The following NAPEPLD variants were observed in gnomAD, a reference collection of about 807,000 sequenced individuals.
NAPEPLD encodes the protein N-acyl phosphatidylethanolamine phospholipase D.
In NAPEPLD, 23 loss-of-function variants were observed where a neutral mutation model predicts 38.1. The observed-to-expected ratio is 0.60, with a 90% CI of 0.43 to 0.86. The LOEUF (loss-of-function observed/expected upper bound fraction) is 0.86. Among genes scored for constraint, NAPEPLD ranks in the 40% least tolerant of loss-of-function variants. The pLI, the probability that NAPEPLD is intolerant of heterozygous loss-of-function variation, is 0.00. For missense variants in NAPEPLD, 411 were observed against 476.8 expected (o/e 0.86, Z 1.28); for synonymous variants, 147 against 162.0 (o/e 0.91, Z 0.71).
At chr7:103,149,557 C>A, upstream of NAPEPLD, 1 of 1,169,264 alleles carries the variant, frequency 8.6e-7, no homozygotes, top group Non-Finnish European at 1.1e-6. Flanking sequence ...CGGTGGCCTC[C>A]TTCAGGCTGC....
intron 4 of NAPEPLD, among the ~76,000 whole-genome samples, chr7:103,105,802 C>T (rs944844098): frequency 1.3e-5 from 2 of 151,822 alleles, no homozygotes; most frequent in African/African-American, 2.4e-5. Context: ...GCATAGTGGC[C>T]GGCACCTGTA....
intron 4 of NAPEPLD, among the ~76,000 whole-genome samples, chr7:103,105,932 C>CAAAAAAA (rs1194781765): frequency 2.0e-5 from 1 of 49,982 alleles, no homozygotes; most frequent in African/African-American, 7.7e-5. Flanking sequence ...GACTCCGTCT[C>CAAAAAAA]AAAAAAAAAA....
intron 4 of NAPEPLD, among the ~76,000 whole-genome samples, chr7:103,104,131 A>G (rs528990910): frequency 6.6e-6 from 1 of 152,288 alleles, no homozygotes; most frequent in African/African-American, 2.4e-5. Flanking sequence ...GGAATTGCTA[A>G]ATGGGAGTCA....
chr7:103,129,825 A>C (rs1304461228), intron 1 of NAPEPLD, among the ~76,000 whole-genome samples: 1 of 152,182 alleles, frequency 6.6e-6, no homozygotes, highest in African/African-American at 2.4e-5. Context: ...TTTATTAAGA[A>C]GACCTGTAAT....
chr7:103,146,676 A>AC (rs1199997403), intron 1 of NAPEPLD, among the ~76,000 whole-genome samples: 1 of 152,086 alleles, frequency 6.6e-6, no homozygotes, highest in Non-Finnish European at 1.5e-5. Context: ...GCCATTCACA[A>AC]CCTGTTACCC....
chr7:103,117,704 G>A (rs942892983), intron 3 of NAPEPLD, among the ~76,000 whole-genome samples: 1 of 152,116 alleles, frequency 6.6e-6, no homozygotes, highest in African/African-American at 2.4e-5. Flanking sequence ...GCAAATAATA[G>A]CCTCCTTGTC....
intron 1 of NAPEPLD, among the ~76,000 whole-genome samples, chr7:103,143,328 C>T (rs557992290): frequency 1.8e-4 from 28 of 151,390 alleles, no homozygotes; most frequent in Admixed American, 9.9e-4. Flanking sequence ...GTGGTAAAGA[C>T]GAAAAGATGC....
rs976187821 is a variant in NAPEPLD, at chr7:103,148,126, T to C, written c.-17+685A>G. 8.1e-6 allele frequency: 8 copies of C among 982,586 alleles called. No individual in the cohort carries two copies. In the African/African-American group the frequency reaches 1.4e-4, roughly 17 times the overall value. The allele number at this position is 982,586 out of a possible 1,614,324, so 60.9% of individuals were successfully genotyped here. A position where few individuals can be genotyped will look rare whatever the true frequency, so the allele number is the denominator to read the frequency against. ...GTAACTGAAAATAGAAATGGAAATG[T>C]TAGAGATTTCCATTTTTTAACAAAC... On this transcript the variant is annotated intron_variant, in intron 1 of 4. Transcript: ENST00000465647.
Position 103,131,704 on chromosome 7 carries a change from T to C in NAPEPLD, c.-16-2912A>G, listed in dbSNP as rs543346979. Among the ~76,000 whole-genome samples the C allele has an allele frequency of 9.7e-4, 145 of 149,740 alleles. 2 individuals are homozygous for C. Among genetic ancestry groups the C allele is most frequent in the African/African-American group, 3.3e-3 (137 of 40,906 alleles). On this transcript the variant is annotated intron_variant, in intron 1 of 4. Coordinates refer to ENST00000465647, the MANE Select transcript of NAPEPLD (RefSeq NM_001122838.3). Reference sequence around the variant, plus strand: ...AAGGAAGGTTTGTGAAAGTCGAGACTATAGAGGGTTAAAAGACTGGACAGT... The same window carrying C: ...AAGGAAGGTTTGTGAAAGTCGAGACCATAGAGGGTTAAAAGACTGGACAGT...
rs552160558 is a variant in NAPEPLD at position 103,103,242 on chromosome 7, C to A, written c.*187G>T. ...TTATTTAAATGACCCACCCCTGAAC[C>A]CTCTCATAGTGTACATGAGCTGATC... On this transcript the variant is annotated 3_prime_UTR_variant, in exon 5 of 5. Coordinates refer to ENST00000465647, the MANE Select transcript of NAPEPLD (RefSeq NM_001122838.3). 76 of 516,282 alleles carry A rather than the reference C, an allele frequency of 1.5e-4. No homozygotes were observed. Among genetic ancestry groups the A allele is most frequent in the African/African-American group, 2.0e-5 (1 of 50,220 alleles). 32.0% of individuals were successfully genotyped at this position (516,282 alleles called of 1,614,324 possible).
chr7:103,103,645 G>A, intron 4 of NAPEPLD, 91 bp from the exon 5 acceptor site: 1 of 1,341,702 alleles, frequency 7.5e-7, no homozygotes, highest in South Asian at 1.4e-5. Context: ...ATAACCAACA[G>A]ATGCCTAGTT....
intron 4 of NAPEPLD, among the ~76,000 whole-genome samples, chr7:103,112,466 A>G (rs1467436027): frequency 6.6e-6 from 1 of 152,188 alleles, no homozygotes; most frequent in African/African-American, 2.4e-5. Flanking sequence ...ACATGGATGA[A>G]GCTGGAAACC....
chr7:103,125,283 T>A lies in NAPEPLD; in HGVS notation c.294+3200A>T, dbSNP rs150835680. Among the ~76,000 whole-genome samples the A allele has an allele frequency of 4.9e-3, 748 of 152,354 alleles. 9 individuals are homozygous for A. The highest frequency in any genetic ancestry group is 0.017 in the African/African-American group (692 of 41,590). ...ATTCAATTAATTATTGATGCCAATG[T>A]TTGATATTTTTGCCATGTGTATTAA... On this transcript the variant is annotated intron_variant, in intron 2 of 4. Transcript: ENST00000465647.
chr7:103,112,295 C>T (rs1804682701), intron 4 of NAPEPLD, among the ~76,000 whole-genome samples: 1 of 152,156 alleles, frequency 6.6e-6, no homozygotes, highest in African/African-American at 2.4e-5. Context: ...TATAAAGACT[C>T]ATGCACACGT....
At chr7:103,140,347 T>C (rs1484042833) in intron 1 of NAPEPLD, among the ~76,000 whole-genome samples, 1 of 152,062 alleles carries the variant, frequency 6.6e-6, no homozygotes, top group Non-Finnish European at 1.5e-5. Context: ...TTTTGTTCTA[T>C]TTGAGTAAGA....
intron 1 of NAPEPLD, among the ~76,000 whole-genome samples, chr7:103,145,017 A>C (rs1812250560): frequency 6.6e-6 from 1 of 152,064 alleles, no homozygotes; most frequent in African/African-American, 2.4e-5. Flanking sequence ...GTCTCAAAAA[A>C]AAAAATTCCT....
chr7:103,107,532 A>G (rs183960127), intron 4 of NAPEPLD, among the ~76,000 whole-genome samples: 207 of 152,248 alleles, frequency 1.4e-3, no homozygotes, highest in African/African-American at 4.5e-3. Flanking sequence ...GCTAACTAGA[A>G]AAAACAGTTT....
At chr7:103,132,040 G>C (rs995043607) in intron 1 of NAPEPLD, among the ~76,000 whole-genome samples, 1 of 152,190 alleles carries the variant, frequency 6.6e-6, no homozygotes, top group Admixed American at 6.5e-5. Context: ...CTTGAACCCA[G>C]GAGGCGGAGG....
At chr7:103,116,925 T>A (rs946716011) in intron 3 of NAPEPLD, among the ~76,000 whole-genome samples, 6 of 152,226 alleles carry the variant, frequency 3.9e-5, no homozygotes, top group Non-Finnish European at 7.3e-5. Context: ...ATAGAGAACA[T>A]CATCTACTTT....
Sources: allele counts gnomAD v4.1 joint callset (sites outside exome capture counted in the v4.1 genomes callset), GRCh38; gene constraint gnomAD v4.1.1; transcripts MANE v1.5; gene names NCBI Gene and HGNC (gene_info 2026-07-23, HGNC 2026-07-21).